Variants in FAM210A observed in about 807,000 individuals in gnomAD.
FAM210A encodes the protein mitochondrial inner membrane scaffold 1.
A neutral mutation model predicts 25.3 loss-of-function variants in FAM210A; 13 were observed. That is an observed-to-expected ratio of 0.51 (90% confidence interval 0.33 to 0.82). The LOEUF (loss-of-function observed/expected upper bound fraction) is 0.82. Ranked by LOEUF, FAM210A falls within the 40% of genes least tolerant of loss-of-function variation. The pLI, the probability that FAM210A is intolerant of heterozygous loss-of-function variation, is 0.02. For missense variants in FAM210A, 319 were observed against 323.2 expected, an observed-to-expected ratio of 0.99 and a Z score of 0.10; for synonymous variants, 125 against 118.7, an observed-to-expected ratio of 1.05 and a Z score of -0.35.
chr18:13,681,812 T>C lies in FAM210A; in HGVS notation c.266A>G (p.His89Arg), dbSNP rs373098318. ...TGAAAAAACCCTCCTGAATGAAACA[T>C]GTTGCTTCCCTTGCTTATGGCGAAG... ...GVLRHKQGKQ[H>R]VSFRRVFSSS... is the part of the protein sequence containing the mutation. The change falls in exon 2 of 4, where the codon CAT becomes CGT. Residue 89 changes from histidine to arginine, a missense_variant. Coordinates refer to ENST00000651643, the MANE Select transcript of FAM210A (RefSeq NM_152352.4). 73 of 1,614,104 alleles carry C rather than the reference T, an allele frequency of 4.5e-5. No individual in the cohort carries two copies. The highest frequency in any genetic ancestry group is 5.9e-5 in the Non-Finnish European group (70 of 1,180,042).
chr18:13,710,709 G>A (rs2043814416), intron 1 of FAM210A, among the ~76,000 whole-genome samples: 2 of 152,084 alleles, frequency 1.3e-5, no homozygotes, highest in Admixed American at 6.5e-5. Flanking sequence ...GAGACAGGCT[G>A]GGCACACAAA....
chr18:13,695,657 T>C (rs2043686308), intron 1 of FAM210A, among the ~76,000 whole-genome samples: 1 of 141,958 alleles, frequency 7.0e-6, no homozygotes, highest in Non-Finnish European at 1.5e-5. Context: ...AGGTGGGAAC[T>C]GAACAATGAG....
chr18:13,679,653 T>C (rs2043534095), intron 2 of FAM210A, among the ~76,000 whole-genome samples: 1 of 152,200 alleles, frequency 6.6e-6, no homozygotes, highest in Non-Finnish European at 1.5e-5. Flanking sequence ...AGTGGTGGTC[T>C]AGCAACCCGA....
intron 3 of FAM210A, among the ~76,000 whole-genome samples, chr18:13,668,953 G>A (rs1321180474): frequency 1.3e-5 from 2 of 152,172 alleles, no homozygotes; most frequent in African/African-American, 2.4e-5. Context: ...ATCTTCGACT[G>A]TCCTACTTCA....
Position 13,682,003 on chromosome 18 carries a change from G to A in FAM210A, c.75C>T (p.Leu25=), listed in dbSNP as rs770213503. 2.5e-6 allele frequency: 4 copies of A among 1,614,190 alleles called. No individual in the cohort carries two copies. The Admixed American group carries it at 6.7e-5, about 27-fold the overall frequency. Residue 25 remains leucine, a synonymous_variant, in exon 2 of 4, where the codon CTC becomes CTT. Transcript: ENST00000651643. ...CCTTTACATTTTGACAGTGTCCAAA[G>A]AGACCAGCATTATGTGGTTCCAAGC... ...RTCLEPHNAG[L]FGHCQNVKGP...
At chr18:13,719,729 A>G (rs943029910) in intron 1 of FAM210A, among the ~76,000 whole-genome samples, 5 of 113,766 alleles carry the variant, frequency 4.4e-5, no homozygotes, top group Non-Finnish European at 7.7e-5. Context: ...CATGAATTAA[A>G]AAAAAAAAAA....
At chr18:13,702,448 T>G (rs886740545) in intron 1 of FAM210A, among the ~76,000 whole-genome samples, 4 of 152,226 alleles carry the variant, frequency 2.6e-5, no homozygotes, top group Non-Finnish European at 5.9e-5. Context: ...TAACGAACTT[T>G]GCTGCAGGTC....
intron 1 of FAM210A, among the ~76,000 whole-genome samples, chr18:13,704,435 TCTA>T (rs1260874493): frequency 6.6e-6 from 1 of 152,202 alleles, no homozygotes; most frequent in East Asian, 1.9e-4. Context: ...AAAGAACTGA[TCTA>T]CTCTTTCACA....
intron 2 of FAM210A, among the ~76,000 whole-genome samples, chr18:13,677,225 C>A (rs947673110): frequency 1.3e-5 from 2 of 152,170 alleles, no homozygotes. Flanking sequence ...CAGGTGCCCG[C>A]CACCACGCCC....
intron 1 of FAM210A, among the ~76,000 whole-genome samples, chr18:13,704,657 T>C (rs776143360): frequency 5.5e-4 from 83 of 152,286 alleles, no homozygotes; most frequent in African/African-American, 1.7e-3. Context: ...ACAGGATTAT[T>C]TGACATGTTA....
chr18:13,694,362 A>C (rs2149062438), intron 1 of FAM210A, among the ~76,000 whole-genome samples: 1 of 152,356 alleles, frequency 6.6e-6, no homozygotes, highest in East Asian at 1.9e-4. Flanking sequence ...ATTGGAAAAA[A>C]CTACTTTAAA....
intron 2 of FAM210A, among the ~76,000 whole-genome samples, chr18:13,677,418 G>C (rs1180149088): frequency 2.0e-5 from 3 of 152,194 alleles, no homozygotes; most frequent in African/African-American, 7.2e-5. Context: ...GTCCGCGTGA[G>C]AGGGTCGTGA....
intron 1 of FAM210A, among the ~76,000 whole-genome samples, chr18:13,685,533 T>G (rs981091496): frequency 2.0e-5 from 3 of 152,188 alleles, no homozygotes; most frequent in Non-Finnish European, 2.9e-5. Context: ...CAGACACTCT[T>G]TTCTATTGAT....
chr18:13,726,263 C>A (rs1438001450), intron 1 of FAM210A, 66 bp downstream of exon 1: 1 of 152,682 alleles, frequency 6.5e-6, no homozygotes, highest in African/African-American at 2.4e-5. Context: ...CCCGGACACA[C>A]GCCCAGGGTT....
At chr18:13,720,406 C>A (rs2043889607) in intron 1 of FAM210A, among the ~76,000 whole-genome samples, 1 of 152,150 alleles carries the variant, frequency 6.6e-6, no homozygotes, top group African/African-American at 2.4e-5. Flanking sequence ...TGAAGTAGCA[C>A]ACCCAAATGA....
intron 1 of FAM210A, among the ~76,000 whole-genome samples, chr18:13,724,864 T>A (rs1182061665): frequency 6.6e-6 from 1 of 152,108 alleles, no homozygotes; most frequent in Non-Finnish European, 1.5e-5. Flanking sequence ...ACCTCCGCCT[T>A]CCGGGTTTAA....
At chr18:13,693,398 G>A (rs1490121067) in intron 1 of FAM210A, among the ~76,000 whole-genome samples, 2 of 152,168 alleles carry the variant, frequency 1.3e-5, no homozygotes, top group African/African-American at 4.8e-5. Flanking sequence ...ATTTTATGAG[G>A]CCAACATCAT....
chr18:13,677,321 A>G (rs2043513245), intron 2 of FAM210A, among the ~76,000 whole-genome samples: 1 of 151,910 alleles, frequency 6.6e-6, no homozygotes, highest in South Asian at 2.1e-4. Context: ...TGATCCGCCC[A>G]CCTCGGCCTC....
intron 1 of FAM210A, among the ~76,000 whole-genome samples, chr18:13,694,767 G>A (rs550576795): frequency 6.6e-6 from 1 of 152,272 alleles, no homozygotes; most frequent in South Asian, 2.1e-4. Flanking sequence ...AAAAACCCTA[G>A]AAGAAAACCT....
Sources: gnomAD v4.1 joint callset for allele counts (sites outside exome capture counted in the v4.1 genomes callset) on GRCh38, gnomAD v4.1.1 for gene constraint, MANE v1.5 for transcripts, NCBI Gene and HGNC (gene_info 2026-07-23, HGNC 2026-07-21) for gene names.